Variants in ADCY2 observed in about 807,000 individuals in gnomAD.
ADCY2 encodes the protein adenylate cyclase 2, also known as adenylate cyclase type 2.
In ADCY2, 31 loss-of-function variants were observed where a neutral mutation model predicts 125.2. The observed-to-expected ratio is 0.25, with a 90% CI of 0.19 to 0.33. ADCY2 has a LOEUF of 0.33. ADCY2 is among the 10% of genes least tolerant of loss of function. ADCY2 has a pLI of 1.00. For missense variants in ADCY2, 904 were observed against 1,418.2 expected (o/e 0.64, Z 5.82); for synonymous variants, 512 against 548.4 (o/e 0.93, Z 0.93).
chr5:7,736,241 T>C (rs933531223), intron 14 of ADCY2, among the ~76,000 whole-genome samples: 1 of 152,098 alleles, frequency 6.6e-6, no homozygotes, highest in African/African-American at 2.4e-5. Context: ...AAAAATGAAA[T>C]GAAAGTTTGG....
intron 3 of ADCY2, among the ~76,000 whole-genome samples, chr5:7,541,362 A>G (rs887526497): frequency 2.0e-5 from 3 of 152,250 alleles, no homozygotes; most frequent in Non-Finnish European, 1.5e-5. Flanking sequence ...ACCAGAATAC[A>G]CATCCTTTCC....
At chr5:7,581,977 AGAT>A (rs1736452006) in intron 3 of ADCY2, among the ~76,000 whole-genome samples, 1 of 152,234 alleles carries the variant, frequency 6.6e-6, no homozygotes, top group Non-Finnish European at 1.5e-5. Flanking sequence ...ACTGACTAAA[AGAT>A]GATATTTTCA....
At chr5:7,624,505 G>A (rs1421605368) in intron 3 of ADCY2, among the ~76,000 whole-genome samples, 2 of 152,148 alleles carry the variant, frequency 1.3e-5, no homozygotes, top group East Asian at 3.9e-4. Context: ...CCACTTCAGG[G>A]AGGAAGACCC....
intron 20 of ADCY2, chr5:7,801,999 T>G (rs931426082): frequency 8.2e-6 from 4 of 490,772 alleles, no homozygotes; most frequent in Admixed American, 3.7e-5. Context: ...GCAAGGCACC[T>G]CTTCTTAACT....
At chr5:7,658,797 G>C (rs1014259459) in intron 4 of ADCY2, among the ~76,000 whole-genome samples, 1 of 152,192 alleles carries the variant, frequency 6.6e-6, no homozygotes, top group South Asian at 2.1e-4. Context: ...ATGCTGGACC[G>C]AGGGAAGAGC....
rs571139924 is a variant in ADCY2 at position 7,718,211 on chromosome 5, C to T, written c.1703+974C>T. ...TTGCCCAGGCTGGAGTGCAGTGGCA[C>T]GATCTTGGCTCACTGCAAGCTCCAC... On this transcript the variant is annotated intron_variant, in intron 12 of 24. Coordinates refer to ENST00000338316, the MANE Select transcript of ADCY2 (RefSeq NM_020546.3). Among the ~76,000 whole-genome samples the T allele has an allele frequency of 8.5e-5, 12 of 141,650 alleles. 1 individual carries two copies. Among genetic ancestry groups the T allele is most frequent in the South Asian group, 4.5e-4 (2 of 4,456 alleles). The allele number at this position is 141,650 out of a possible 152,430, so 92.9% of individuals were successfully genotyped here.
intron 2 of ADCY2, among the ~76,000 whole-genome samples, chr5:7,442,196 A>C (rs1255854205): frequency 1.3e-5 from 2 of 152,098 alleles, no homozygotes; most frequent in Non-Finnish European, 2.9e-5. Context: ...CATTAATTGC[A>C]TTTGCATGTT....
intron 4 of ADCY2, among the ~76,000 whole-genome samples, chr5:7,680,007 C>T (rs2126713411): frequency 6.6e-6 from 1 of 152,054 alleles, no homozygotes; most frequent in South Asian, 2.1e-4. Context: ...AGGGGCAAGA[C>T]AACAGTGAAA....
chr5:7,466,419 A>G (rs914175736), intron 2 of ADCY2, among the ~76,000 whole-genome samples: 1 of 152,184 alleles, frequency 6.6e-6, no homozygotes, highest in South Asian at 2.1e-4. Flanking sequence ...CAGCAGCTCT[A>G]GTGAGAAAGG....
intron 2 of ADCY2, among the ~76,000 whole-genome samples, chr5:7,419,378 C>T (rs1175452254): frequency 6.6e-6 from 1 of 152,186 alleles, no homozygotes; most frequent in Non-Finnish European, 1.5e-5. Flanking sequence ...CATGGAGCCC[C>T]TGTTGTCCTC....
chr5:7,617,986 G>T (rs181551701), intron 3 of ADCY2, among the ~76,000 whole-genome samples: 6 of 152,066 alleles, frequency 3.9e-5, no homozygotes, highest in African/African-American at 1.4e-4. Context: ...GACTTTATGC[G>T]GAATATTTTG....
chr5:7,522,739 T>TAAAAAAAAAAAAAAAAA, intron 3 of ADCY2: 1 of 122,616 alleles, frequency 8.2e-6, no homozygotes, highest in South Asian at 2.7e-4. Flanking sequence ...CATCTCTACT[T>TAAAAAAAAAAAAAAAAA]AAAAAAAAAA....
intron 3 of ADCY2, among the ~76,000 whole-genome samples, chr5:7,594,002 G>A (rs1206819969): frequency 1.3e-5 from 2 of 152,190 alleles, no homozygotes; most frequent in Admixed American, 6.5e-5. Context: ...AAGCAAGCCA[G>A]CCCTGAGATT....
rs1561112741 is a variant in ADCY2 at position 7,589,530 on chromosome 5, GAA to G, written c.571-36635_571-36634del. On this transcript the variant is annotated intron_variant, in intron 3 of 24. Transcript: ENST00000338316. ...AGAAAGAAAAGAAAAGAAAGAGAAA[GAA>G]AGAAAGGAGGGAGGGAAGGAGGAAG... 3.8e-5 allele frequency among the ~76,000 whole-genome samples: 5 copies of G among 131,110 alleles called. No homozygotes were observed. In the East Asian group the frequency reaches 9.6e-4, roughly 25 times the overall value. The allele number at this position is 131,110 out of a possible 152,430, so 86.0% of individuals were successfully genotyped here. A position where few individuals can be genotyped will look rare whatever the true frequency, so the allele number is the denominator to read the frequency against.
chr5:7,529,120 G>A (rs1362261944), intron 3 of ADCY2, among the ~76,000 whole-genome samples: 1 of 152,188 alleles, frequency 6.6e-6, no homozygotes, highest in Non-Finnish European at 1.5e-5. Context: ...TTGGTGCCAT[G>A]GAAGGAGGAT....
chr5:7,675,632 C>T (rs975701556), intron 4 of ADCY2, among the ~76,000 whole-genome samples: 3 of 152,188 alleles, frequency 2.0e-5, no homozygotes, highest in East Asian at 1.9e-4. Flanking sequence ...TTTAACCCTG[C>T]GATCCCCTAC....
chr5:7,425,036 C>T (rs569571874), intron 2 of ADCY2, among the ~76,000 whole-genome samples: 47 of 152,242 alleles, frequency 3.1e-4, no homozygotes, highest in East Asian at 1.2e-3. Flanking sequence ...TCTCCCTGTG[C>T]GGTGCCAGCC....
At chr5:7,786,592 G>A (rs568183462) in intron 19 of ADCY2, among the ~76,000 whole-genome samples, 2 of 152,234 alleles carry the variant, frequency 1.3e-5, no homozygotes, top group East Asian at 1.9e-4. Flanking sequence ...CACATCTCTT[G>A]TGCAACAGGT....
chr5:7,529,053 G>A (rs866560863), intron 3 of ADCY2, among the ~76,000 whole-genome samples: 6 of 152,314 alleles, frequency 3.9e-5, no homozygotes, highest in Middle Eastern at 3.4e-3. Context: ...ACTTCAACAA[G>A]AGCACTGCTC....
Sources: gnomAD v4.1 joint callset for allele counts (sites outside exome capture counted in the v4.1 genomes callset) on GRCh38, gnomAD v4.1.1 for gene constraint, MANE v1.5 for transcripts, NCBI Gene and HGNC (gene_info 2026-07-23, HGNC 2026-07-21) for gene names.